Variants in PLXNA4 observed in about 807,000 individuals in gnomAD.
PLXNA4 encodes plexin A4, also known as plexin-A4.
Under a neutral mutation model 191.8 loss-of-function variants are expected in PLXNA4, and 44 were observed. That is an observed-to-expected ratio of 0.23 (90% CI 0.18 to 0.29). The LOEUF is 0.29. Among genes scored for constraint, PLXNA4 ranks in the 10% least tolerant of loss-of-function variants. The pLI, the probability that PLXNA4 is intolerant of heterozygous loss-of-function variation, is 1.00. For missense variants in PLXNA4, 1,800 were observed against 2,488.8 expected, an observed-to-expected ratio of 0.72 and a Z score of 5.89; for synonymous variants, 1,082 against 1,009.5, an observed-to-expected ratio of 1.07 and a Z score of -1.36.
intron 3 of PLXNA4, among the ~76,000 whole-genome samples, chr7:132,396,110 CAA>C (rs1326593708): frequency 6.6e-6 from 1 of 152,072 alleles, no homozygotes; most frequent in African/African-American, 2.4e-5. Context: ...GAGCTGTGGT[CAA>C]AGTGATCACA....
Position 132,179,765 on chromosome 7 carries a change from C to T in PLXNA4, c.3796G>A (p.Glu1266Lys), listed in dbSNP as rs1307432722. The change falls in exon 20 of 32, where the codon GAA becomes AAA. Residue 1266 changes from glutamate (E) to lysine (K), a missense_variant. By Grantham distance (56) the Glu-to-Lys change is moderately conservative (BLOSUM62 1). Transcript: ENST00000321063. ...VLIAYKRKSR[E>K]SDLTLKRLQM... ...AGCCGCTTCAGCGTGAGGTCACTTT[C>T]GCGGGACTTGCGTTTATAGGCAATG... The T allele has an allele frequency of 2.5e-6, 4 of 1,613,998 alleles. No individual in the cohort carries two copies. The highest frequency in any genetic ancestry group is 1.7e-5 in the Admixed American group (1 of 60,006).
At chr7:132,518,789 T>C (rs886717910) in intron 1 of PLXNA4, among the ~76,000 whole-genome samples, 6 of 152,286 alleles carry the variant, frequency 3.9e-5, no homozygotes, top group Admixed American at 6.5e-5. Context: ...TCAGAGATCA[T>C]GTCCCAGCCG....
At chr7:132,536,313 T>G (rs1055125376) in intron 1 of PLXNA4, among the ~76,000 whole-genome samples, 1 of 152,182 alleles carries the variant, frequency 6.6e-6, no homozygotes, top group Non-Finnish European at 1.5e-5. Flanking sequence ...AAGTGACTAA[T>G]TTTTATCCTT....
intron 2 of PLXNA4, among the ~76,000 whole-genome samples, chr7:132,583,179 C>T (rs1802439075): frequency 1.3e-5 from 2 of 152,334 alleles, no homozygotes; most frequent in Middle Eastern, 3.4e-3. Flanking sequence ...TGTCTGGCAC[C>T]TGCCTCTGCC....
chr7:132,559,602 G>A (rs1800946025), intron 1 of PLXNA4, among the ~76,000 whole-genome samples: 2 of 152,166 alleles, frequency 1.3e-5, no homozygotes, highest in South Asian at 4.1e-4. Flanking sequence ...GAAAGTGTCT[G>A]GGAAGACTTG....
intron 3 of PLXNA4, chr7:132,384,478 A>G (rs1805032558): frequency 1.0e-6 from 1 of 985,674 alleles, no homozygotes; most frequent in Non-Finnish European, 1.2e-6. Flanking sequence ...TGCAGGAGAC[A>G]CTGCTCACGC....
At chr7:132,403,693 A>G (rs1794090986) in intron 3 of PLXNA4, among the ~76,000 whole-genome samples, 1 of 152,114 alleles carries the variant, frequency 6.6e-6, no homozygotes, top group Non-Finnish European at 1.5e-5. Flanking sequence ...ATGACAGAGG[A>G]ATCTGCCTGC....
intron 1 of PLXNA4, among the ~76,000 whole-genome samples, chr7:132,563,089 T>TC (rs1801378402): frequency 1.0e-4 from 8 of 76,754 alleles, no homozygotes; most frequent in Non-Finnish European, 1.4e-4. Flanking sequence ...CTCCTCCTCC[T>TC]CTTCTTCCTC....
intron 3 of PLXNA4, among the ~76,000 whole-genome samples, chr7:132,400,020 G>A (rs10250019): frequency 0.19 from 28,825 of 151,994 alleles, 3,961 homozygotes; most frequent in African/African-American, 0.37. Flanking sequence ...GCATTTGTAA[G>A]TTGGAATAAA....
intron 1 of PLXNA4, among the ~76,000 whole-genome samples, chr7:132,647,749 CACAT>C (rs1301008611): frequency 3.4e-5 from 5 of 147,784 alleles, no homozygotes; most frequent in African/African-American, 7.6e-5. Flanking sequence ...AGCAATTACA[CACAT>C]ACATATACAC....
Position 132,235,351 on chromosome 7 carries a change from G to A in PLXNA4, c.1604+5715C>T, listed in dbSNP as rs544680782. ...AAGAAACTAAACCCAGACTGGGTCTGTTCTTAGACAGGTCCTCAGTTGTAA... is the reference window on the plus strand; with the variant it reads ...AAGAAACTAAACCCAGACTGGGTCTATTCTTAGACAGGTCCTCAGTTGTAA... On this transcript the variant is annotated intron_variant, in intron 5 of 31. Transcript: ENST00000321063. Among the ~76,000 whole-genome samples, 8 of 152,368 alleles carry A rather than the reference G, an allele frequency of 5.3e-5. No homozygotes were observed. The East Asian group carries it at 1.5e-3, about 29-fold the overall frequency.
chr7:132,485,023 A>G, intron 3 of PLXNA4: 1 of 1,609,460 alleles, frequency 6.2e-7, no homozygotes, highest in South Asian at 1.1e-5. Context: ...ACTAGGGAAC[A>G]AAAGCAAATT....
chr7:132,415,912 G>A (rs1235629722), intron 3 of PLXNA4, among the ~76,000 whole-genome samples: 1 of 152,216 alleles, frequency 6.6e-6, no homozygotes, highest in Admixed American at 6.5e-5. Flanking sequence ...GAACAGATAA[G>A]TTTGATATAG....
intron 4 of PLXNA4, among the ~76,000 whole-genome samples, chr7:132,277,797 T>C (rs1228866191): frequency 6.6e-6 from 1 of 152,234 alleles, no homozygotes; most frequent in African/African-American, 2.4e-5. Context: ...AAAGGCCAGA[T>C]AGCATATATA....
At chr7:132,291,654 A>G (rs1474892999) in intron 4 of PLXNA4, among the ~76,000 whole-genome samples, 3 of 152,292 alleles carry the variant, frequency 2.0e-5, no homozygotes, top group East Asian at 3.9e-4. Context: ...CTCTACCTCC[A>G]TTAGTCATAT....
intron 4 of PLXNA4, among the ~76,000 whole-genome samples, chr7:132,291,137 G>A (rs567074639): frequency 5.9e-5 from 9 of 152,092 alleles, no homozygotes; most frequent in East Asian, 5.8e-4. Flanking sequence ...CAGCCCGTCC[G>A]GTGTCCTCAA....
intron 20 of PLXNA4, among the ~76,000 whole-genome samples, chr7:132,178,713 T>TACACACACACACAC (rs56218462): frequency 0.025 from 2,821 of 112,012 alleles, 271 homozygotes; most frequent in East Asian, 0.13. Context: ...CACATACACA[T>TACACACACACACAC]ACACACACAC....
intron 20 of PLXNA4, 68 bp downstream of exon 20, chr7:132,179,619 G>A (rs1796636015): frequency 9.0e-6 from 14 of 1,561,606 alleles, no homozygotes; most frequent in Non-Finnish European, 9.6e-6. Context: ...CACATACACA[G>A]ATGTGCATGC....
intron 2 of PLXNA4, among the ~76,000 whole-genome samples, chr7:132,590,972 C>T (rs1244271185): frequency 6.6e-6 from 1 of 152,124 alleles, no homozygotes; most frequent in Non-Finnish European, 1.5e-5. Context: ...TTTGCATCTC[C>T]TCCCCAGTGC....
Sources: allele counts gnomAD v4.1 joint callset (sites outside exome capture counted in the v4.1 genomes callset), GRCh38; gene constraint gnomAD v4.1.1; transcripts MANE v1.5; gene names NCBI Gene and HGNC (gene_info 2026-07-23, HGNC 2026-07-21).